CTPS2: variants seen among roughly 807,000 people sequenced by gnomAD.
CTPS2 encodes the protein CTP synthase II.
CTPS2 carries 19 observed loss-of-function variants against 46.8 expected under a neutral mutation model. The ratio of observed to expected loss-of-function variants is 0.41; its 90% CI spans 0.28 to 0.60. The LOEUF is 0.60. Among genes scored for constraint, CTPS2 ranks in the 20% least tolerant of loss-of-function variants. The pLI, the probability that CTPS2 is intolerant of heterozygous loss-of-function variation, is 0.35. For missense variants in CTPS2, 286 were observed against 447.6 expected, an observed-to-expected ratio of 0.64 and a Z score of 3.26; for synonymous variants, 151 against 165.2, an observed-to-expected ratio of 0.91 and a Z score of 0.66.
chrX:16,662,963 C>T (rs1244199050), intron 13 of CTPS2, among the ~76,000 whole-genome samples: 1 of 111,259 alleles, frequency 9.0e-6, no homozygotes, highest in Non-Finnish European at 1.9e-5. Context: ...TACTAATTTG[C>T]AGCATAAATT....
chrX:16,594,888 G>C (rs746883716), intron 17 of CTPS2, among the ~76,000 whole-genome samples: 1 of 112,747 alleles, frequency 8.9e-6, no homozygotes, highest in South Asian at 3.7e-4. Flanking sequence ...TGAACTTGCT[G>C]ATTTTAGGAC....
At chrX:16,669,905 C>T (rs905382760) in intron 11 of CTPS2, among the ~76,000 whole-genome samples, 1 of 110,250 alleles carries the variant, frequency 9.1e-6, no homozygotes, top group Non-Finnish European at 1.9e-5. Context: ...AGCCGTACTT[C>T]GCAATTTGAA....
intron 17 of CTPS2, among the ~76,000 whole-genome samples, chrX:16,592,878 G>A (rs1928985867): frequency 9.0e-6 from 1 of 111,123 alleles, no homozygotes; most frequent in Non-Finnish European, 1.9e-5. Context: ...TTCAAAATAG[G>A]ACCAATTATT....
intron 16 of CTPS2, among the ~76,000 whole-genome samples, chrX:16,616,943 C>T (rs1414610186): frequency 2.7e-5 from 3 of 111,883 alleles, no homozygotes; most frequent in Non-Finnish European, 3.8e-5. Flanking sequence ...GATTCGCCAA[C>T]CTCAGCCTCC....
At chrX:16,626,362 C>A (rs1931150270) in intron 14 of CTPS2, among the ~76,000 whole-genome samples, 2 of 110,545 alleles carry the variant, frequency 1.8e-5, no homozygotes, top group Non-Finnish European at 3.8e-5. Flanking sequence ...ATCTGGGCAA[C>A]AAAGTGAGAC....
At chrX:16,596,412 A>G (rs1297351776) in intron 17 of CTPS2, among the ~76,000 whole-genome samples, 5 of 102,586 alleles carry the variant, frequency 4.9e-5, no homozygotes, top group Non-Finnish European at 9.8e-5. Flanking sequence ...TCATTGTTCA[A>G]TTTCCCACCT....
chrX:16,595,479 T>A (rs1929189246), intron 17 of CTPS2, among the ~76,000 whole-genome samples: 1 of 110,284 alleles, frequency 9.1e-6, no homozygotes, highest in Admixed American at 9.7e-5. Flanking sequence ...GCTAATTTTT[T>A]ATATTTTTAG....
chrX:16,620,875 C>T (rs370544554), intron 14 of CTPS2, among the ~76,000 whole-genome samples: 44 of 112,163 alleles, frequency 3.9e-4, no homozygotes, highest in African/African-American at 1.2e-3. Context: ...ATGTACTCCA[C>T]CTTAAAAATG....
intron 16 of CTPS2, among the ~76,000 whole-genome samples, chrX:16,612,281 AT>A (rs1930299756): frequency 8.9e-6 from 1 of 112,050 alleles, no homozygotes; most frequent in South Asian, 3.7e-4. Flanking sequence ...AACAGTGGAG[AT>A]TCGTGGATAT....
rs12011370 is a variant in CTPS2 at position 16,665,648 on chromosome X, G to A, written c.1296+1866C>T. Reference sequence around the variant, plus strand: ...GAGGCTTGGGGGTGTCAGCTAAGGCGTGTGGGGTTTCTTTTTGGAGTAATG... The same window carrying A: ...GAGGCTTGGGGGTGTCAGCTAAGGCATGTGGGGTTTCTTTTTGGAGTAATG... On this transcript the variant is annotated intron_variant, in intron 13 of 18. Coordinates refer to ENST00000359276, the MANE Select transcript of CTPS2 (RefSeq NM_175859.3). Among the ~76,000 whole-genome samples, 762 of 112,091 alleles carry A rather than the reference G, an allele frequency of 6.8e-3. 7 individuals carry two copies. The highest frequency in any genetic ancestry group is 0.023 in the African/African-American group (710 of 30,903).
intron 9 of CTPS2, among the ~76,000 whole-genome samples, chrX:16,680,895 T>TA (rs1036702714): frequency 1.8e-5 from 2 of 110,754 alleles, no homozygotes; most frequent in Non-Finnish European, 3.8e-5. Context: ...CTATAAAAAT[T>TA]AAAAAATAGG....
Position 16,616,938 on chromosome X carries a change from G to A in CTPS2, c.1546+212C>T, listed in dbSNP as rs2005703. Among the ~76,000 whole-genome samples the A allele has an allele frequency of 0.068, 7,565 of 111,286 alleles. 253 individuals are homozygous for A. The highest frequency in any genetic ancestry group is 0.1 in the Non-Finnish European group (5,522 of 52,992). Reference sequence around the variant, plus strand: ...TCGAACTCCTGACCTCAGGTGATTCGCCAACCTCAGCCTCCCAAAGTGCTG... The same window carrying A: ...TCGAACTCCTGACCTCAGGTGATTCACCAACCTCAGCCTCCCAAAGTGCTG... On this transcript the variant is annotated intron_variant, in intron 16 of 18. Transcript: ENST00000359276.
chrX:16,590,554 G>A (rs916123999), intron 18 of CTPS2, among the ~76,000 whole-genome samples, 198 bp downstream of exon 18: 3 of 110,064 alleles, frequency 2.7e-5, no homozygotes, highest in African/African-American at 9.9e-5. Context: ...TTTTTTCCTG[G>A]CCCAAGGTGC....
At chrX:16,654,077 C>T (rs1024849838) in intron 13 of CTPS2, among the ~76,000 whole-genome samples, 1 of 112,008 alleles carries the variant, frequency 8.9e-6, no homozygotes, top group Non-Finnish European at 1.9e-5. Context: ...CCAGTGAAGC[C>T]CACAGATCCC....
chrX:16,651,247 A>T, intron 13 of CTPS2: 1 of 758,121 alleles, frequency 1.3e-6, no homozygotes, highest in South Asian at 2.7e-5. Flanking sequence ...CGCTTGAGGG[A>T]GGACACATGC....
chrX:16,599,783 C>T (rs992147874), intron 17 of CTPS2, among the ~76,000 whole-genome samples: 298 of 106,516 alleles, frequency 2.8e-3, no homozygotes, highest in African/African-American at 9.7e-3. Flanking sequence ...GCACCCCCCC[C>T]CTTTTTTTTT....
chrX:16,673,958 C>T (rs986357646), intron 10 of CTPS2, among the ~76,000 whole-genome samples: 3 of 111,774 alleles, frequency 2.7e-5, no homozygotes, highest in Admixed American at 9.6e-5. Context: ...ATTAAAATTG[C>T]TTACTAACCA....
At chrX:16,660,893 C>G (rs896637338) in intron 13 of CTPS2, among the ~76,000 whole-genome samples, 2 of 110,839 alleles carry the variant, frequency 1.8e-5, no homozygotes, top group Non-Finnish European at 3.8e-5. Flanking sequence ...CCCACAGAGA[C>G]AGTATCAAAG....
intron 10 of CTPS2, among the ~76,000 whole-genome samples, chrX:16,675,776 G>A (rs1174249103): frequency 8.9e-6 from 1 of 111,983 alleles, no homozygotes; most frequent in East Asian, 2.8e-4. Flanking sequence ...GATAACTTTG[G>A]AGATTGTGAC....
Sources: gnomAD v4.1 joint callset for allele counts (sites outside exome capture counted in the v4.1 genomes callset) on GRCh38, gnomAD v4.1.1 for gene constraint, MANE v1.5 for transcripts, NCBI Gene and HGNC (gene_info 2026-07-23, HGNC 2026-07-21) for gene names.